TRMT44: variants seen among roughly 807,000 people sequenced by gnomAD.
TRMT44 encodes the protein probable tRNA (uracil-O(2)-)-methyltransferase.
A neutral mutation model predicts 77.3 loss-of-function variants in TRMT44; 78 were observed. That is an observed-to-expected ratio of 1.01 (90% CI 0.84 to 1.22). TRMT44 has a LOEUF of 1.22. Ranked by LOEUF, TRMT44 falls within the 50% of genes most tolerant of loss-of-function variation. The pLI is 0.00. For synonymous variants in TRMT44, 391 were observed against 383.3 expected, an observed-to-expected ratio of 1.02 and a Z score of -0.23; for missense variants, 1,090 against 964.4, an observed-to-expected ratio of 1.13 and a Z score of -1.73.
intron 9 of TRMT44, among the ~76,000 whole-genome samples, chr4:8,469,403 G>A (rs2109172023): frequency 6.6e-6 from 1 of 152,372 alleles, no homozygotes; most frequent in South Asian, 2.1e-4. Context: ...GAGGCTGGCA[G>A]AGCATGGAGC....
In TRMT44 at chr4:8,471,197, C is replaced by A; in HGVS notation, c.2041C>A (p.Gln681Lys). 1 of 1,584,066 alleles carries A rather than the reference C, an allele frequency of 6.3e-7. No homozygotes were observed. The highest frequency in any genetic ancestry group is 1.8e-5 in the Admixed American group (1 of 55,004). Residue 681 changes from glutamine (Q) to lysine (K), a missense_variant, in exon 10 of 11, where the codon CAA becomes AAA. Coordinates refer to ENST00000389737, the MANE Select transcript of TRMT44 (RefSeq NM_152544.3). ...TLLRNSHQVF[Q>K]VVNGRVHIRD... ...GCTCCGGAACAGCCACCAGGTGTTC[C>A]AAGGTACGGAGTCCGCCTCTCCCCC...
At position 8,452,705 on chromosome 4, in the gene TRMT44, G is replaced by A. The variant is rs182453833; in HGVS notation, c.1024-177G>A. ...CCAGAGATTGCATCATTGCACTCTA[G>A]CCTGGGCGGCAAGAGCAACACTCCA... On this transcript the variant is annotated intron_variant, in intron 4 of 10. Coordinates refer to ENST00000389737, the MANE Select transcript of TRMT44 (RefSeq NM_152544.3). This position sits in a 1 kb window ranked among gnomAD's most constrained non-coding sequence, Gnocchi z 5.7. 9.9e-5 allele frequency among the ~76,000 whole-genome samples: 15 copies of A among 151,922 alleles called. 1 individual carries two copies. The highest frequency in any genetic ancestry group is 2.9e-5 in the Non-Finnish European group (2 of 67,988).
intron 1 of TRMT44, among the ~76,000 whole-genome samples, chr4:8,443,940 G>T (rs1724907628): frequency 6.6e-6 from 1 of 151,038 alleles, no homozygotes; most frequent in African/African-American, 2.4e-5. Flanking sequence ...AGCCTGGGCA[G>T]CAGACGGGGA....
chr4:8,473,066 C>G (rs1448275982), intron 10 of TRMT44, among the ~76,000 whole-genome samples: 1 of 152,218 alleles, frequency 6.6e-6, no homozygotes, highest in Non-Finnish European at 1.5e-5. Context: ...CTCCTCCAGT[C>G]ATGCGAAAAC....
chr4:8,483,484 T>A (rs1252275804), intron 2 of TRMT44, among the ~76,000 whole-genome samples: 3 of 152,090 alleles, frequency 2.0e-5, no homozygotes, highest in Admixed American at 2.0e-4. Flanking sequence ...AAAAGGAGCG[T>A]CTATACAGGA....
chr4:8,464,269 C>A (rs1726371762), intron 7 of TRMT44, among the ~76,000 whole-genome samples, 178 bp downstream of exon 7: 1 of 152,168 alleles, frequency 6.6e-6, no homozygotes, highest in African/African-American at 2.4e-5. Flanking sequence ...AAATAAATTC[C>A]ACCTGTTTTA....
intron 8 of TRMT44, 100 bp downstream of exon 8, chr4:8,465,661 A>G: frequency 9.2e-7 from 1 of 1,081,650 alleles, no homozygotes; most frequent in Non-Finnish European, 1.3e-6. Flanking sequence ...TAACGTTCAA[A>G]ATGTTCTAGA....
Position 8,440,878 on chromosome 4 carries a change from G to T in TRMT44, c.56G>T (p.Gly19Val), listed in dbSNP as rs1027805819. Residue 19 changes from glycine (G) to valine (V), a missense_variant, in exon 1 of 11, where the codon GGC becomes GTC. Transcript: ENST00000389737. ...ISYPGALLPQ[G>V]FWAAVEVWLE... ...TACCCAGGCGCGCTTCTCCCACAGG[G>T]CTTCTGGGCTGCGGTCGAAGTGTGG... 6.5e-7 allele frequency: 1 copy of T among 1,526,960 alleles called. No homozygotes were observed. The highest frequency in any genetic ancestry group is 1.2e-5 in the South Asian group (1 of 82,754). 94.6% of individuals were successfully genotyped at this position (1,526,960 alleles called of 1,614,324 possible).
chr4:8,487,538 A>G (rs1452507454), intron 2 of TRMT44, among the ~76,000 whole-genome samples: 3 of 146,214 alleles, frequency 2.1e-5, no homozygotes, highest in Non-Finnish European at 3.0e-5. Flanking sequence ...TAGAGGTAAG[A>G]GGTCGGGCCA....
intron 7 of TRMT44, among the ~76,000 whole-genome samples, chr4:8,464,736 C>T (rs759975658): frequency 6.6e-6 from 1 of 152,010 alleles, no homozygotes. Context: ...TTCAGATGAC[C>T]CTTGATAACA....
At chr4:8,471,489 C>T (rs1009181126) in intron 10 of TRMT44, among the ~76,000 whole-genome samples, 7 of 152,250 alleles carry the variant, frequency 4.6e-5, no homozygotes, top group African/African-American at 1.2e-4. Context: ...ACTTGCTCCA[C>T]GCAGGACAGA....
At chr4:8,465,209 A>G (rs891893865) in intron 7 of TRMT44, among the ~76,000 whole-genome samples, 169 bp from the exon 8 acceptor site, 8 of 152,348 alleles carry the variant, frequency 5.3e-5, no homozygotes, top group African/African-American at 1.9e-4. Context: ...TACCCCCTGA[A>G]GCTGAAATAA....
chr4:8,504,027 C>G, the TRMT44 span, among the ~76,000 whole-genome samples: 3 of 152,160 alleles, frequency 2.0e-5, no homozygotes, highest in African/African-American at 7.2e-5. The surrounding 1 kb of genome is among the most constrained non-coding windows in gnomAD (Gnocchi z 5.3). Flanking sequence ...AGTCCCCGCA[C>G]CCGTCCACAC....
chr4:8,481,952 T>A (rs1400017746), intron 2 of TRMT44, among the ~76,000 whole-genome samples: 1 of 152,240 alleles, frequency 6.6e-6, no homozygotes, highest in Non-Finnish European at 1.5e-5. Flanking sequence ...TTTTTCATCA[T>A]AGATTTGCCT....
At chr4:8,460,413 C>T in intron 6 of TRMT44, among the ~76,000 whole-genome samples, 1 of 152,226 alleles carries the variant, frequency 6.6e-6, no homozygotes, top group East Asian at 1.9e-4. Flanking sequence ...CAGCCAGCTG[C>T]AAGGATTATT....
At chr4:8,468,729 G>A (rs866348599) in intron 9 of TRMT44, among the ~76,000 whole-genome samples, 3 of 152,188 alleles carry the variant, frequency 2.0e-5, no homozygotes, top group Non-Finnish European at 2.9e-5. Context: ...GTTGTGATTC[G>A]ATAATTTAAT....
At chr4:8,501,406 GCT>G in the TRMT44 span, among the ~76,000 whole-genome samples, 1 of 152,132 alleles carries the variant, frequency 6.6e-6, no homozygotes, top group Non-Finnish European at 1.5e-5. This position sits in a 1 kb window ranked among gnomAD's most constrained non-coding sequence, Gnocchi z 4.4. Context: ...TCAAATTCCA[GCT>G]CTGCCTCAAA....
Position 8,446,637 on chromosome 4 carries a change from A to T in TRMT44, c.734+47A>T. 7.3e-7 allele frequency: 1 copy of T among 1,373,554 alleles called. No homozygotes were observed. The highest frequency in any genetic ancestry group is 9.9e-7 in the Non-Finnish European group (1 of 1,008,554). 85.1% of individuals were successfully genotyped at this position (1,373,554 alleles called of 1,614,324 possible). A position where few individuals can be genotyped will look rare whatever the true frequency, so the allele number is the denominator to read the frequency against. The stretch of plus-strand genomic sequence containing the variant: ...CCTAGTTTTATGGTTTCCATTGAGG[A>T]TTTCTTTAGGTAGCCAAAGGATTCT... On this transcript the variant is annotated intron_variant, in intron 2 of 10. Transcript: ENST00000389737. The surrounding 1 kb of genome is among the most constrained non-coding windows in gnomAD (Gnocchi z 4.3).
chr4:8,468,370 A>AG (rs1560237487), intron 9 of TRMT44, 24 bp downstream of exon 9: 1 of 1,610,962 alleles, frequency 6.2e-7, no homozygotes, highest in Non-Finnish European at 8.5e-7. Context: ...CATCTTAGGG[A>AG]GGGGCTAGCA....
Sources: gnomAD v4.1 joint callset for allele counts (sites outside exome capture counted in the v4.1 genomes callset) on GRCh38, gnomAD v4.1.1 for gene constraint, Gnocchi (gnomAD v3.1) non-coding constraint, MANE v1.5 for transcripts, NCBI Gene and HGNC (gene_info 2026-07-23, HGNC 2026-07-21) for gene names.